FLRT1: variants seen among roughly 807,000 people sequenced by gnomAD.
The protein encoded by FLRT1 is fibronectin leucine rich transmembrane protein 1, also known as leucine-rich repeat transmembrane protein FLRT1.
A neutral mutation model predicts 30.9 loss-of-function variants in FLRT1; 14 were observed. The ratio of observed to expected loss-of-function variants is 0.45; its 90% CI spans 0.30 to 0.71. The LOEUF (loss-of-function observed/expected upper bound fraction) is 0.71, where lower values mean the gene tolerates loss of function less well. Among genes scored for constraint, FLRT1 ranks in the 30% least tolerant of loss-of-function variants. The probability of loss-of-function intolerance (pLI) is 0.08; values close to 1 mark genes in which losing one functional copy is unlikely to be tolerated. For synonymous variants in FLRT1, 368 were observed against 430.4 expected (o/e 0.85, Z 1.80); for missense variants, 737 against 949.2 (o/e 0.78, Z 2.94).
chr11:64,069,241 C>T (rs1273409756), intron 1 of FLRT1, among the ~76,000 whole-genome samples: 3 of 152,176 alleles, frequency 2.0e-5, no homozygotes, highest in African/African-American at 4.8e-5. Flanking sequence ...CACCTGGATC[C>T]GCAGTTCTAC....
rs1944575183 is a variant in FLRT1, at chr11:64,096,305, T to A, written c.-1037-6889T>A. ...CCGGCCTTGGCTGGTGGCGCCAGGT[T>A]CATCACCCCGAGCTTCCTCTAGGCT... On this transcript the variant is annotated intron_variant, in intron 1 of 2. Coordinates refer to ENST00000682287, the MANE Select transcript of FLRT1 (RefSeq NM_013280.5). The surrounding 1 kb of genome is among the most constrained non-coding windows in gnomAD (Gnocchi z 4.6). Among the ~76,000 whole-genome samples, 1 of 152,188 alleles carries A rather than the reference T, an allele frequency of 6.6e-6. No individual in the cohort carries two copies. Among genetic ancestry groups the A allele is most frequent in the African/African-American group, 2.4e-5 (1 of 41,456 alleles).
intron 2 of FLRT1, among the ~76,000 whole-genome samples, chr11:64,108,606 G>T (rs1944805232): frequency 6.6e-6 from 1 of 152,244 alleles, no homozygotes; most frequent in African/African-American, 2.4e-5. Flanking sequence ...GGAGATGATT[G>T]TGCCTTGGTA....
intron 2 of FLRT1, among the ~76,000 whole-genome samples, chr11:64,104,619 G>C (rs755381310): frequency 8.5e-5 from 13 of 152,064 alleles, no homozygotes; most frequent in Non-Finnish European, 1.9e-4. Context: ...CCTTGAACGA[G>C]AGGGAGTCCA....
chr11:64,048,418 C>T (rs889918927), intron 1 of FLRT1, among the ~76,000 whole-genome samples: 1 of 152,168 alleles, frequency 6.6e-6, no homozygotes, highest in Non-Finnish European at 1.5e-5. Flanking sequence ...CTGCCCTGGA[C>T]CCTCCGTTGG....
intron 1 of FLRT1, among the ~76,000 whole-genome samples, chr11:64,102,637 C>A (rs1944690246): frequency 6.6e-6 from 1 of 152,208 alleles, no homozygotes; most frequent in South Asian, 2.1e-4. Context: ...AGTCCTTCCA[C>A]CCCCAGGGAG....
rs1348404680 is a variant in FLRT1, at chr11:64,090,391, G to A, written c.-1037-12803G>A. Among the ~76,000 whole-genome samples, 1 of 152,210 alleles carries A rather than the reference G, an allele frequency of 6.6e-6. No homozygotes were observed. The highest frequency in any genetic ancestry group is 2.4e-5 in the African/African-American group (1 of 41,450). ...ACTCAGGCAGCAGGGCACAATTACT[G>A]AGCCTGGTGCTTTATTTCCTCAACT... On this transcript the variant is annotated intron_variant, in intron 1 of 2. Coordinates refer to ENST00000682287, the MANE Select transcript of FLRT1 (RefSeq NM_013280.5). The surrounding 1 kb of genome is among the most constrained non-coding windows in gnomAD (Gnocchi z 4.7).
At position 64,066,573 on chromosome 11, in the gene FLRT1, C is replaced by A. The variant is rs139758244; in HGVS notation, c.-1038+30414C>A. Among the ~76,000 whole-genome samples, 715 of 151,554 alleles carry A rather than the reference C, an allele frequency of 4.7e-3. 5 individuals are homozygous for A. Among genetic ancestry groups the A allele is most frequent in the African/African-American group, 0.014 (587 of 41,262 alleles). ...GGTCAAGGCTACAGTGCAGTATGATCCTACCTGTGAATAGCCACTGCATTC... is the reference window on the plus strand; with the variant it reads ...GGTCAAGGCTACAGTGCAGTATGATACTACCTGTGAATAGCCACTGCATTC... On this transcript the variant is annotated intron_variant, in intron 1 of 2. Coordinates refer to ENST00000682287, the MANE Select transcript of FLRT1 (RefSeq NM_013280.5).
At chr11:64,111,006 C>G (rs1197045230) in intron 2 of FLRT1, among the ~76,000 whole-genome samples, 1 of 152,216 alleles carries the variant, frequency 6.6e-6, no homozygotes, top group Non-Finnish European at 1.5e-5. Context: ...GGCCCACAGA[C>G]AGTGGAGCGG....
At chr11:64,079,100 A>G (rs1455167903) in intron 1 of FLRT1, among the ~76,000 whole-genome samples, 1 of 126,228 alleles carries the variant, frequency 7.9e-6, no homozygotes, top group African/African-American at 3.0e-5. Flanking sequence ...TCCTGGCAAG[A>G]GATGGTGCAG....
intron 1 of FLRT1, among the ~76,000 whole-genome samples, chr11:64,057,118 G>A (rs1680338408): frequency 6.6e-6 from 1 of 152,204 alleles, no homozygotes; most frequent in African/African-American, 2.4e-5. Context: ...TGTGTTCATC[G>A]GCTCCCTAAG....
chr11:64,059,198 G>T (rs1943849670), intron 1 of FLRT1, among the ~76,000 whole-genome samples: 1 of 152,162 alleles, frequency 6.6e-6, no homozygotes, highest in African/African-American at 2.4e-5. Flanking sequence ...GGGGCAGCCT[G>T]TCTAAAGGGG....
intron 1 of FLRT1, among the ~76,000 whole-genome samples, chr11:64,069,422 A>T (rs555338516): frequency 1.3e-5 from 2 of 152,208 alleles, no homozygotes; most frequent in East Asian, 3.9e-4. Flanking sequence ...TGGCTCAGGG[A>T]CCCTGGGGGT....
At chr11:64,099,073 C>T (rs1243872060) in intron 1 of FLRT1, among the ~76,000 whole-genome samples, 1 of 152,226 alleles carries the variant, frequency 6.6e-6, no homozygotes, top group African/African-American at 2.4e-5. Context: ...TGGGCAGTGG[C>T]TCTAGAAGAT....
At chr11:64,088,282 A>T (rs1241187845) in intron 1 of FLRT1, among the ~76,000 whole-genome samples, 1 of 151,868 alleles carries the variant, frequency 6.6e-6, no homozygotes. Flanking sequence ...TAGCCAGGAG[A>T]TGGGGGGACC....
intron 1 of FLRT1, among the ~76,000 whole-genome samples, chr11:64,039,627 G>T (rs1363665086): frequency 6.6e-6 from 1 of 152,244 alleles, no homozygotes; most frequent in African/African-American, 2.4e-5. Context: ...CGGACAGCCT[G>T]CCTGGAGTTC....
At chr11:64,105,135 C>T (rs1286975854) in intron 2 of FLRT1, among the ~76,000 whole-genome samples, 6 of 152,224 alleles carry the variant, frequency 3.9e-5, no homozygotes, top group African/African-American at 2.4e-5. Context: ...AGATGCCCTG[C>T]GGATGGGCTA....
intron 1 of FLRT1, among the ~76,000 whole-genome samples, chr11:64,044,380 T>C (rs563383365): frequency 1.8e-4 from 27 of 151,856 alleles, no homozygotes; most frequent in African/African-American, 6.0e-4. Flanking sequence ...GCCTGCCGAA[T>C]AGCTCGGACT....
In FLRT1 at chr11:64,075,737, A is replaced by G. The variant is rs187917460; in HGVS notation, c.-1037-27457A>G. Reference sequence around the variant, plus strand: ...GCCCAGGCTGGAGCGCAGTGGCACAATCTCAGCTCACTGCAACCTCCACCT... The same window carrying G: ...GCCCAGGCTGGAGCGCAGTGGCACAGTCTCAGCTCACTGCAACCTCCACCT... On this transcript the variant is annotated intron_variant, in intron 1 of 2. Coordinates refer to ENST00000682287, the MANE Select transcript of FLRT1 (RefSeq NM_013280.5). Among the ~76,000 whole-genome samples, 5 of 152,288 alleles carry G rather than the reference A, an allele frequency of 3.3e-5. No individual in the cohort carries two copies. In the East Asian group the frequency reaches 5.8e-4, roughly 18 times the overall value.
Position 64,110,449 on chromosome 11 carries a change from G to GA in FLRT1, c.-49-5756dup, listed in dbSNP as rs754055496. 8.1e-3 allele frequency among the ~76,000 whole-genome samples: 1,067 copies of GA among 132,094 alleles called. 6 individuals carry two copies. The highest frequency in any genetic ancestry group is 0.024 in the African/African-American group (845 of 35,858). 86.7% of individuals were successfully genotyped at this position (132,094 alleles called of 152,430 possible). A position where few individuals can be genotyped will look rare whatever the true frequency, so the allele number is the denominator to read the frequency against. ...TGGGTGACAGAGCGAGACTGTCTCA[G>GA]AAAAAAAAAAAAAAGAAAGAAATCA... is the stretch of plus-strand genomic sequence containing the variant. On this transcript the variant is annotated intron_variant, in intron 2 of 2. Transcript: ENST00000682287.
Sources: allele counts gnomAD v4.1 joint callset (sites outside exome capture counted in the v4.1 genomes callset), GRCh38; gene constraint gnomAD v4.1.1; non-coding constraint Gnocchi (gnomAD v3.1); transcripts MANE v1.5; gene names NCBI Gene and HGNC (gene_info 2026-07-23, HGNC 2026-07-21).